Variants in HECA observed in about 807,000 individuals in gnomAD.
HECA encodes the protein HECA ribonucleoprotein granule regulator, also known as headcase protein homolog.
HECA carries 13 observed loss-of-function variants against 37.6 expected under a neutral mutation model. The ratio of observed to expected loss-of-function variants is 0.35; its 90% CI spans 0.23 to 0.55. The LOEUF (loss-of-function observed/expected upper bound fraction) is 0.55, where lower values mean the gene tolerates loss of function less well. Ranked by LOEUF, HECA falls within the 20% of genes least tolerant of loss-of-function variation. HECA has a pLI of 0.90. For missense variants in HECA, 527 were observed against 701.9 expected (o/e 0.75, Z 2.82); for synonymous variants, 307 against 291.5 (o/e 1.05, Z -0.54).
chr6:139,153,677 C>A (rs1774679809), intron 1 of HECA, among the ~76,000 whole-genome samples: 1 of 152,006 alleles, frequency 6.6e-6, no homozygotes, highest in Admixed American at 6.5e-5. Context: ...CCTCAGCCTC[C>A]CAAAGTGCTG....
intron 2 of HECA, among the ~76,000 whole-genome samples, chr6:139,171,667 T>C (rs1774974710): frequency 6.6e-6 from 1 of 152,166 alleles, no homozygotes; most frequent in Non-Finnish European, 1.5e-5. Context: ...TCTGTCACCC[T>C]GGCTGGCTGG....
chr6:139,157,607 A>C (rs1412969041), intron 1 of HECA, among the ~76,000 whole-genome samples: 2 of 152,254 alleles, frequency 1.3e-5, no homozygotes, highest in African/African-American at 4.8e-5. Flanking sequence ...GAAGAAATCT[A>C]CTTCTTGCCC....
chr6:139,138,828 A>AT (rs1219319993), intron 1 of HECA, among the ~76,000 whole-genome samples: 1 of 152,174 alleles, frequency 6.6e-6, no homozygotes, highest in Non-Finnish European at 1.5e-5. Flanking sequence ...TTTTTCAGGG[A>AT]TTGGTGTAAA....
At position 139,155,941 on chromosome 6, in the gene HECA, A is replaced by G. The variant is rs184614377; in HGVS notation, c.272-10343A>G. ...CAAATTATGTGTGAAGCCATTTCAT[A>G]TTTTCAAAGCTGTCAGGTCAACTGA... On this transcript the variant is annotated intron_variant, in intron 1 of 3. Transcript: ENST00000367658. 1.2e-3 allele frequency among the ~76,000 whole-genome samples: 184 copies of G among 152,302 alleles called. 2 individuals are homozygous for G. The highest frequency in any genetic ancestry group is 1.5e-3 in the Admixed American group (23 of 15,304).
At chr6:139,175,139 A>T (rs1775033458) in intron 3 of HECA, among the ~76,000 whole-genome samples, 1 of 152,236 alleles carries the variant, frequency 6.6e-6, no homozygotes, top group African/African-American at 2.4e-5. Context: ...TTTAGCTGTC[A>T]TCAGAAAAAG....
intron 1 of HECA, among the ~76,000 whole-genome samples, chr6:139,157,534 T>G (rs1176575090): frequency 6.6e-6 from 1 of 152,214 alleles, no homozygotes; most frequent in African/African-American, 2.4e-5. Context: ...TTCTACTTCT[T>G]TGACACTAGT....
intron 3 of HECA, among the ~76,000 whole-genome samples, chr6:139,175,827 C>T (rs1006780693): frequency 4.6e-5 from 7 of 152,182 alleles, no homozygotes; most frequent in Admixed American, 3.3e-4. Flanking sequence ...CTGCCACACC[C>T]AGCCTCTTGG....
intron 1 of HECA, among the ~76,000 whole-genome samples, chr6:139,141,419 C>T (rs955239446): frequency 6.6e-6 from 1 of 152,192 alleles, no homozygotes; most frequent in Non-Finnish European, 1.5e-5. Context: ...CATATGTCTG[C>T]ACCTTGGAAA....
At chr6:139,175,328 GT>G (rs1433983358) in intron 3 of HECA, among the ~76,000 whole-genome samples, 1 of 152,116 alleles carries the variant, frequency 6.6e-6, no homozygotes, top group Non-Finnish European at 1.5e-5. Context: ...TTCCAGCCTG[GT>G]TTTTTAGTAC....
chr6:139,157,772 C>T (rs778904367), intron 1 of HECA, among the ~76,000 whole-genome samples: 4 of 152,112 alleles, frequency 2.6e-5, no homozygotes, highest in Admixed American at 6.5e-5. Flanking sequence ...CCTCCCTGGG[C>T]TTGGGAAGAT....
intron 2 of HECA, 72 bp from the exon 3 acceptor site, chr6:139,174,313 A>G: frequency 6.7e-7 from 1 of 1,501,564 alleles, no homozygotes. Flanking sequence ...TAGATGAAAC[A>G]TTTTTATCTC....
Position 139,167,122 on chromosome 6 carries a change from C to T in HECA, c.1110C>T (p.Asp370=), listed in dbSNP as rs765715627. Residue 370 remains aspartate (D), a synonymous_variant, in exon 2 of 4, where the codon GAC becomes GAT. Coordinates refer to ENST00000367658, the MANE Select transcript of HECA (RefSeq NM_016217.3). ...ACACTTTCCACGTGCGCATGGAAGA[C>T]GATGCCCAAGTGGGCCAGGGGGAAG... is the stretch of plus-strand genomic sequence containing the variant. ...KLNTFHVRME[D]DAQVGQGEDL... The T allele has an allele frequency of 7.4e-6, 12 of 1,614,082 alleles. No individual in the cohort carries two copies. Among genetic ancestry groups the T allele is most frequent in the East Asian group, 4.5e-5 (2 of 44,874 alleles).
At chr6:139,140,009 A>C (rs1009715374) in intron 1 of HECA, among the ~76,000 whole-genome samples, 1 of 152,248 alleles carries the variant, frequency 6.6e-6, no homozygotes, top group African/African-American at 2.4e-5. Flanking sequence ...TCCATGGGAA[A>C]ACGCATTCTG....
intron 1 of HECA, among the ~76,000 whole-genome samples, chr6:139,147,807 T>C: frequency 6.6e-6 from 1 of 152,228 alleles, no homozygotes; most frequent in East Asian, 1.9e-4. Flanking sequence ...CTGTTCTTAA[T>C]GGACCAGAGT....
At chr6:139,174,943 A>C (rs985716341) in intron 3 of HECA, among the ~76,000 whole-genome samples, 12 of 152,110 alleles carry the variant, frequency 7.9e-5, no homozygotes, top group African/African-American at 2.7e-4. Flanking sequence ...CTTATAGTAA[A>C]TTTCTAATAG....
intron 1 of HECA, among the ~76,000 whole-genome samples, chr6:139,136,978 G>C (rs1283112437): frequency 1.3e-5 from 2 of 152,180 alleles, no homozygotes; most frequent in Non-Finnish European, 2.9e-5. Context: ...TACAAGCAGC[G>C]TACAGTGCTC....
chr6:139,158,550 C>G (rs923834859), intron 1 of HECA, among the ~76,000 whole-genome samples: 15 of 151,338 alleles, frequency 9.9e-5, no homozygotes, highest in South Asian at 8.4e-4. Context: ...ACCTGTAGTC[C>G]CAGCACCTGT....
Position 139,171,976 on chromosome 6 carries a change from G to A in HECA, c.1313-2409G>A, listed in dbSNP as rs1774979919. Among the ~76,000 whole-genome samples the A allele has an allele frequency of 1.3e-5, 2 of 151,866 alleles. 1 individual carries two copies. The highest frequency in any genetic ancestry group is 4.1e-4 in the South Asian group (2 of 4,820). On this transcript the variant is annotated intron_variant, in intron 2 of 3. Transcript: ENST00000367658. ...CTCATGAGTAGCTGGGACTACAGGC[G>A]CCGCCACCACGCCTAGCTAATTTTT...
intron 3 of HECA, among the ~76,000 whole-genome samples, chr6:139,175,999 A>C (rs567003407): frequency 6.6e-6 from 1 of 152,378 alleles, no homozygotes; most frequent in South Asian, 2.1e-4. Flanking sequence ...GGAAGTCTTC[A>C]ATAAGATGTA....
Sources: gnomAD v4.1 joint callset for allele counts (sites outside exome capture counted in the v4.1 genomes callset) on GRCh38, gnomAD v4.1.1 for gene constraint, MANE v1.5 for transcripts, NCBI Gene and HGNC (gene_info 2026-07-23, HGNC 2026-07-21) for gene names.